Variants in ARID1B observed in about 807,000 individuals in gnomAD.
ARID1B encodes the protein AT-rich interactive domain-containing protein 1B.
ARID1B carries 30 observed loss-of-function variants against 212.3 expected under a neutral mutation model. The observed-to-expected ratio is 0.14, with a 90% CI of 0.11 to 0.19. ARID1B has a LOEUF of 0.19. Ranked by LOEUF, ARID1B falls within the 10% of genes least tolerant of loss-of-function variation. The pLI is 1.00. For missense variants in ARID1B, 2,891 were observed against 3,204.0 expected (o/e 0.90, Z 2.36); for synonymous variants, 1,402 against 1,301.7 (o/e 1.08, Z -1.66).
chr6:157,083,707 T>G (rs970816129), intron 4 of ARID1B, among the ~76,000 whole-genome samples: 1 of 152,198 alleles, frequency 6.6e-6, no homozygotes, highest in Admixed American at 6.5e-5. Context: ...GCATTGACGG[T>G]GAAAAACTGG....
At chr6:157,146,293 G>C (rs73003534) in intron 7 of ARID1B, among the ~76,000 whole-genome samples, 4,463 of 152,280 alleles carry the variant, frequency 0.029, 94 homozygotes, top group Non-Finnish European at 0.045. Context: ...ACCTCTTCAT[G>C]TGGACAGTGT....
In ARID1B at chr6:157,201,537, A is replaced by C; in HGVS notation, c.5263+49A>C. The C allele has an allele frequency of 2.7e-6, 4 of 1,480,192 alleles. No individual in the cohort carries two copies. Among genetic ancestry groups the C allele is most frequent in the Non-Finnish European group, 3.6e-6 (4 of 1,114,720 alleles). 91.7% of individuals were successfully genotyped at this position (1,480,192 alleles called of 1,614,324 possible). ...CTGAAATGAATTCCAGTTGCAGTGTAGAATTTTAATTTTAGTAAAGATGCT... is the reference window on the plus strand; with the variant it reads ...CTGAAATGAATTCCAGTTGCAGTGTCGAATTTTAATTTTAGTAAAGATGCT... On this transcript the variant is annotated intron_variant, in intron 18 of 19. Transcript: ENST00000636930. The surrounding 1 kb of genome is among the most constrained non-coding windows in gnomAD (Gnocchi z 5.2).
chr6:157,046,532 A>C (rs1453233090), intron 4 of ARID1B, among the ~76,000 whole-genome samples: 1 of 152,152 alleles, frequency 6.6e-6, no homozygotes, highest in Non-Finnish European at 1.5e-5. Context: ...CCAGCTCTAA[A>C]ATTCTTCAGG....
intron 2 of ARID1B, among the ~76,000 whole-genome samples, chr6:156,894,876 T>A (rs979245994): frequency 1.3e-5 from 2 of 152,220 alleles, no homozygotes; most frequent in Non-Finnish European, 2.9e-5. Context: ...TCTTAACGTT[T>A]CCATTGACTG....
chr6:157,020,633 A>C (rs995564063), intron 4 of ARID1B, among the ~76,000 whole-genome samples: 16 of 152,048 alleles, frequency 1.1e-4, no homozygotes, highest in African/African-American at 3.9e-4. Flanking sequence ...CATTTCTCCT[A>C]CTCAGATCGC....
intron 4 of ARID1B, among the ~76,000 whole-genome samples, chr6:156,987,217 A>G (rs1025869034): frequency 6.6e-6 from 1 of 152,052 alleles, no homozygotes; most frequent in African/African-American, 2.4e-5. Flanking sequence ...CAAAAAATTA[A>G]AAAACTAAAA....
chr6:157,203,977 C>G lies in ARID1B; in HGVS notation c.5375C>G (p.Ala1792Gly), dbSNP rs750965814. ...NILLYDDSTVATFNLSQLSGF... is the reference protein window; with the variant it reads ...NILLYDDSTVGTFNLSQLSGF... Reference sequence around the variant, plus strand: ...CTTCTGTATGATGACAGCACTGTTGCTACTTTCAATCTCTCCCAGGTAAGC... The same window carrying G: ...CTTCTGTATGATGACAGCACTGTTGGTACTTTCAATCTCTCCCAGGTAAGC... The change falls in exon 19 of 20, where the codon GCT becomes GGT. Residue 1792 changes from alanine to glycine, a missense_variant. Ala to Gly is a moderately conservative substitution (Grantham distance 60). Transcript: ENST00000636930. This position sits in a 1 kb window ranked among gnomAD's most constrained non-coding sequence, Gnocchi z 4.4. 6.2e-7 allele frequency: 1 copy of G among 1,614,106 alleles called. No homozygotes were observed. The highest frequency in any genetic ancestry group is 1.7e-5 in the Admixed American group (1 of 60,022).
chr6:157,167,261 C>A (rs2128291812), intron 9 of ARID1B, 76 bp downstream of exon 9: 1 of 1,495,042 alleles, frequency 6.7e-7, no homozygotes. Context: ...AGTGAATCTG[C>A]CTAAACGGCC....
At position 156,778,183 on chromosome 6, in the gene ARID1B, ACCACCACCACCATGC is replaced by A. The variant is rs1051684288; in HGVS notation, c.516_530del (p.Ala173_His177del). Reference sequence around the variant, plus strand: ...GCCGCGCCGCCCCACCAGCAGCACCACCACCACCACCATGCCCACCACCACCACCACCATGCCCAC... The same window carrying A: ...GCCGCGCCGCCCCACCAGCAGCACCACCACCACCACCACCACCATGCCCAC... On this transcript the variant is annotated inframe_deletion, in exon 1 of 20. Coordinates refer to ENST00000636930, the MANE Select transcript of ARID1B (RefSeq NM_001374828.1). 11 of 1,539,626 alleles carry A rather than the reference ACCACCACCACCATGC, an allele frequency of 7.1e-6. No homozygotes were observed. The highest frequency in any genetic ancestry group is 9.6e-6 in the Non-Finnish European group (11 of 1,145,898).
chr6:156,807,138 A>ACCCCCCCCCCCC (rs58976876), intron 1 of ARID1B, among the ~76,000 whole-genome samples: 2 of 146,412 alleles, frequency 1.4e-5, no homozygotes, highest in Admixed American at 6.8e-5. Flanking sequence ...AGTATTGTGC[A>ACCCCCCCCCCCC]CCCCCCCACG....
At chr6:156,923,283 CTG>C (rs1225575248) in intron 3 of ARID1B, among the ~76,000 whole-genome samples, 1 of 152,128 alleles carries the variant, frequency 6.6e-6, no homozygotes, top group African/African-American at 2.4e-5. Flanking sequence ...AAATATAACA[CTG>C]TATTTAATCA....
At chr6:157,141,995 G>A (rs1490547853) in intron 7 of ARID1B, among the ~76,000 whole-genome samples, 11 of 152,132 alleles carry the variant, frequency 7.2e-5, no homozygotes, top group Non-Finnish European at 1.5e-4. Flanking sequence ...ACTCGTAATT[G>A]CCAAAAACTG....
intron 1 of ARID1B, among the ~76,000 whole-genome samples, chr6:156,820,622 C>T (rs1394538507): frequency 1.3e-5 from 2 of 152,090 alleles, no homozygotes; most frequent in Non-Finnish European, 2.9e-5. Context: ...TGAGTGTGAC[C>T]GTATTCTGTT....
intron 2 of ARID1B, among the ~76,000 whole-genome samples, chr6:156,865,977 G>C (rs1297982334): frequency 6.6e-6 from 1 of 151,868 alleles, no homozygotes; most frequent in Non-Finnish European, 1.5e-5. Context: ...GTTTGTTTTG[G>C]TCCCTATTTT....
At position 157,148,502 on chromosome 6, in the gene ARID1B, G is replaced by C. The variant is rs1229534943; in HGVS notation, c.2762-122G>C. ...GCAGCTGCACCAGCAGCAACAGGAA[G>C]GGCCTATAACGGTCATGACTAATAC... On this transcript the variant is annotated intron_variant, in intron 7 of 19. Transcript: ENST00000636930. The surrounding 1 kb of genome is among the most constrained non-coding windows in gnomAD (Gnocchi z 5.6). 1 of 1,046,748 alleles carries C rather than the reference G, an allele frequency of 9.6e-7. No individual in the cohort carries two copies. The highest frequency in any genetic ancestry group is 1.4e-6 in the Non-Finnish European group (1 of 737,518). The allele number at this position is 1,046,748 out of a possible 1,614,324, so 64.8% of individuals were successfully genotyped here.
At position 157,056,043 on chromosome 6, in the gene ARID1B, A is replaced by G. The variant is rs191156713; in HGVS notation, c.2248-28619A>G. Among the ~76,000 whole-genome samples the G allele has an allele frequency of 2.0e-3, 306 of 152,252 alleles. 1 individual carries two copies. The highest frequency in any genetic ancestry group is 7.1e-3 in the African/African-American group (297 of 41,544). ...GGAATATCTCCTTTTATTAACACCAAAGTCAACTGATTAGGGACCTTAATT... is the reference window on the plus strand; with the variant it reads ...GGAATATCTCCTTTTATTAACACCAGAGTCAACTGATTAGGGACCTTAATT... On this transcript the variant is annotated intron_variant, in intron 4 of 19. Transcript: ENST00000636930.
chr6:157,183,315 C>G (rs1340519599), intron 12 of ARID1B, among the ~76,000 whole-genome samples: 1 of 152,156 alleles, frequency 6.6e-6, no homozygotes, highest in Non-Finnish European at 1.5e-5. Flanking sequence ...TTATTATACA[C>G]CACCGAGTAC....
rs763660892 is a variant in ARID1B at position 157,207,113 on chromosome 6, C to G, written c.6341C>G (p.Ala2114Gly). The G allele has an allele frequency of 1.2e-6, 2 of 1,614,204 alleles. No homozygotes were observed. The highest frequency in any genetic ancestry group is 1.7e-6 in the Non-Finnish European group (2 of 1,180,034). The change falls in exon 20 of 20, where the codon GCA becomes GGA. Residue 2114 changes from alanine (A) to glycine (G), a missense_variant. Ala to Gly is a moderately conservative substitution (Grantham distance 60, BLOSUM62 0). Coordinates refer to ENST00000636930, the MANE Select transcript of ARID1B (RefSeq NM_001374828.1). This position sits in a 1 kb window ranked among gnomAD's most constrained non-coding sequence, Gnocchi z 8.5. The part of the protein sequence containing the change: ...LHHEHPERKR[A>G]PQTYEKEEDE... ...CACGAGCATCCAGAGAGAAAGCGAG[C>G]ACCGCAGACCTATGAGAAAGAGGAG...
At chr6:156,952,174 G>A (rs1793636576) in intron 4 of ARID1B, among the ~76,000 whole-genome samples, 1 of 152,160 alleles carries the variant, frequency 6.6e-6, no homozygotes, top group Admixed American at 6.5e-5. Context: ...ATAGGTGTGT[G>A]AGTGACATTT....
Sources: gnomAD v4.1 joint callset for allele counts (sites outside exome capture counted in the v4.1 genomes callset) on GRCh38, gnomAD v4.1.1 for gene constraint, Gnocchi (gnomAD v3.1) non-coding constraint, MANE v1.5 for transcripts, NCBI Gene and HGNC (gene_info 2026-07-23, HGNC 2026-07-21) for gene names.